Variants in PTPRN2 observed in about 807,000 individuals in gnomAD.
The protein encoded by PTPRN2 is protein tyrosine phosphatase receptor type N2.
A neutral mutation model predicts 118.8 loss-of-function variants in PTPRN2; 74 were observed. The observed-to-expected ratio is 0.62, with a 90% CI of 0.52 to 0.76. The LOEUF (loss-of-function observed/expected upper bound fraction) is 0.76, where lower values mean the gene tolerates loss of function less well. Ranked by LOEUF, PTPRN2 falls within the 30% of genes least tolerant of loss-of-function variation. The pLI is 0.00. For synonymous variants in PTPRN2, 641 were observed against 608.0 expected (o/e 1.05, Z -0.80); for missense variants, 1,481 against 1,394.4 (o/e 1.06, Z -0.99).
At chr7:158,475,167 G>C (rs755816049) in intron 2 of PTPRN2, among the ~76,000 whole-genome samples, 1 of 152,110 alleles carries the variant, frequency 6.6e-6, no homozygotes, top group South Asian at 2.1e-4. Flanking sequence ...CTCAGGACCC[G>C]AAAAGCAACA....
chr7:158,192,018 A>G (rs1210201468), intron 5 of PTPRN2, among the ~76,000 whole-genome samples: 1 of 152,088 alleles, frequency 6.6e-6, no homozygotes, highest in African/African-American at 2.4e-5. Flanking sequence ...GCAGCCACCT[A>G]TCTCCTCTAC....
At chr7:158,155,752 C>A (rs7812177) in intron 6 of PTPRN2, among the ~76,000 whole-genome samples, 3 of 21,440 alleles carry the variant, frequency 1.4e-4, no homozygotes, top group African/African-American at 2.0e-4. Flanking sequence ...TCATCACCAT[C>A]ACCATCATCA....
At chr7:157,564,116 T>C (rs545842826) in intron 21 of PTPRN2, among the ~76,000 whole-genome samples, 134 of 131,008 alleles carry the variant, frequency 1.0e-3, no homozygotes, top group African/African-American at 3.8e-3. Context: ...TTGGGTATGA[T>C]ACTAAAAGCA....
At chr7:157,931,314 G>T (rs1347214954) in intron 11 of PTPRN2, among the ~76,000 whole-genome samples, 4 of 152,346 alleles carry the variant, frequency 2.6e-5, no homozygotes, top group African/African-American at 9.6e-5. Context: ...ACTCATGCAG[G>T]ATTCTTGGGG....
intron 10 of PTPRN2, among the ~76,000 whole-genome samples, chr7:158,101,279 C>T (rs1456365854): frequency 6.6e-6 from 1 of 152,164 alleles, no homozygotes; most frequent in Non-Finnish European, 1.5e-5. Context: ...GGAAAGGACA[C>T]TCTAGTCAAA....
chr7:158,310,675 CGG>C (rs1563116553), intron 3 of PTPRN2, among the ~76,000 whole-genome samples: 5 of 151,366 alleles, frequency 3.3e-5, no homozygotes, highest in African/African-American at 1.2e-4. Context: ...AGCCCTGAGC[CGG>C]ACAGAGCGCA....
At chr7:157,760,690 G>C (rs1211077694) in intron 12 of PTPRN2, among the ~76,000 whole-genome samples, 1 of 152,104 alleles carries the variant, frequency 6.6e-6, no homozygotes, top group Non-Finnish European at 1.5e-5. Context: ...TGGGGTACTT[G>C]CCTTTTAACA....
chr7:157,613,598 C>T (rs1802535853), intron 15 of PTPRN2, among the ~76,000 whole-genome samples: 1 of 152,216 alleles, frequency 6.6e-6, no homozygotes, highest in African/African-American at 2.4e-5. Flanking sequence ...TGGGCCTCTT[C>T]CCGCGGGAGG....
intron 12 of PTPRN2, among the ~76,000 whole-genome samples, chr7:157,890,963 C>A (rs1325650388): frequency 6.6e-6 from 1 of 152,216 alleles, no homozygotes; most frequent in African/African-American, 2.4e-5. Flanking sequence ...ACAGCTGTCA[C>A]CCTGACAAGC....
chr7:157,687,863 G>A (rs907801675), intron 12 of PTPRN2, among the ~76,000 whole-genome samples: 1 of 152,210 alleles, frequency 6.6e-6, no homozygotes. Context: ...AGCTGTTAAC[G>A]GAACTACTTT....
intron 11 of PTPRN2, among the ~76,000 whole-genome samples, chr7:157,984,586 G>GGGTGCTGGGGGCT (rs1196387959): frequency 6.6e-6 from 1 of 152,060 alleles, no homozygotes; most frequent in African/African-American, 2.4e-5. Flanking sequence ...GATGGTTGCT[G>GGGTGCTGGGGGCT]GGTGCTGGGG....
intron 2 of PTPRN2, among the ~76,000 whole-genome samples, chr7:158,464,989 G>T (rs1027861848): frequency 6.6e-6 from 1 of 152,204 alleles, no homozygotes; most frequent in Non-Finnish European, 1.5e-5. Context: ...GTTCAGAAAG[G>T]CTAAGTAATT....
intron 12 of PTPRN2, among the ~76,000 whole-genome samples, chr7:157,877,670 G>A (rs377210441): frequency 2.4e-4 from 36 of 152,324 alleles, no homozygotes; most frequent in African/African-American, 8.4e-4. Context: ...GGTGGGTGGT[G>A]CAGAAGGTGT....
chr7:157,870,754 C>T (rs912752649), intron 12 of PTPRN2, among the ~76,000 whole-genome samples: 4 of 152,218 alleles, frequency 2.6e-5, no homozygotes, highest in Admixed American at 6.5e-5. Flanking sequence ...GCCTGTGAGC[C>T]GCCAGGAATC....
At chr7:157,824,913 A>T (rs1193513776) in intron 12 of PTPRN2, among the ~76,000 whole-genome samples, 1 of 152,206 alleles carries the variant, frequency 6.6e-6, no homozygotes, top group Non-Finnish European at 1.5e-5. Flanking sequence ...CAGGCGGATC[A>T]CGAGCGGCAC....
At chr7:157,906,512 G>A (rs1304297418) in intron 11 of PTPRN2, among the ~76,000 whole-genome samples, 2 of 152,186 alleles carry the variant, frequency 1.3e-5, no homozygotes, top group Admixed American at 1.3e-4. Flanking sequence ...ACCTTCCCTC[G>A]GAGTGGACAA....
chr7:158,300,502 G>A (rs1800808269), intron 3 of PTPRN2, among the ~76,000 whole-genome samples: 1 of 72,886 alleles, frequency 1.4e-5, no homozygotes, highest in African/African-American at 5.2e-5. Flanking sequence ...GACATCCCAT[G>A]AGGCGACGTG....
intron 17 of PTPRN2, among the ~76,000 whole-genome samples, chr7:157,584,168 C>T (rs559963633): frequency 1.7e-4 from 26 of 152,166 alleles, no homozygotes; most frequent in Non-Finnish European, 3.4e-4. Context: ...AATAGTGAAA[C>T]GCCAGGCCAT....
intron 1 of PTPRN2, among the ~76,000 whole-genome samples, chr7:158,495,506 C>A (rs1427948818): frequency 6.6e-6 from 1 of 152,092 alleles, no homozygotes; most frequent in East Asian, 1.9e-4. Flanking sequence ...AAGAGTGAAG[C>A]GCCTGCCTGC....
Sources: gnomAD v4.1 joint callset for allele counts (sites outside exome capture counted in the v4.1 genomes callset) on GRCh38, gnomAD v4.1.1 for gene constraint, MANE v1.5 for transcripts, NCBI Gene and HGNC (gene_info 2026-07-23, HGNC 2026-07-21) for gene names.